LRRC1: variants seen among roughly 807,000 people sequenced by gnomAD.
The protein encoded by LRRC1 is leucine-rich repeat-containing protein 1.
A neutral mutation model predicts 69.9 loss-of-function variants in LRRC1; 28 were observed. That is an observed-to-expected ratio of 0.40 (90% confidence interval 0.30 to 0.55). LRRC1 has a LOEUF of 0.55. Ranked by LOEUF, LRRC1 falls within the 20% of genes least tolerant of loss-of-function variation. LRRC1 has a pLI of 0.47. For missense variants in LRRC1, 498 were observed against 609.0 expected, an observed-to-expected ratio of 0.82 and a Z score of 1.92; for synonymous variants, 236 against 240.2, an observed-to-expected ratio of 0.98 and a Z score of 0.16.
chr6:53,897,225 C>A, intron 6 of LRRC1, 60 bp from the exon 7 acceptor site: 1 of 1,155,948 alleles, frequency 8.7e-7, no homozygotes, highest in Non-Finnish European at 1.3e-6. Flanking sequence ...TTCTTTCTTT[C>A]TTCAGGGAAG....
At chr6:53,806,826 A>G (rs78659378) in intron 1 of LRRC1, among the ~76,000 whole-genome samples, 28,402 of 152,214 alleles carry the variant, frequency 0.19, 2,906 homozygotes, top group Middle Eastern at 0.33. Context: ...AAAAAAGATC[A>G]GCAGATTTTC....
At chr6:53,883,964 A>G (rs1193257407) in intron 4 of LRRC1, 2 of 718,082 alleles carry the variant, frequency 2.8e-6, no homozygotes, top group Non-Finnish European at 5.2e-6. Context: ...GAAGACAACT[A>G]GCTGACACCT....
chr6:53,860,594 A>C (rs1200791018), intron 2 of LRRC1, among the ~76,000 whole-genome samples: 4 of 152,048 alleles, frequency 2.6e-5, no homozygotes, highest in African/African-American at 9.7e-5. Context: ...ATTTTTTTTA[A>C]GATCAATTTT....
At chr6:53,816,895 C>T (rs1271383273) in intron 1 of LRRC1, among the ~76,000 whole-genome samples, 2 of 152,182 alleles carry the variant, frequency 1.3e-5, no homozygotes, top group Admixed American at 6.5e-5. Flanking sequence ...ATTAGCTTCA[C>T]TTAAGACAAA....
chr6:53,832,409 C>G (rs538228852), intron 1 of LRRC1, among the ~76,000 whole-genome samples: 1 of 152,094 alleles, frequency 6.6e-6, no homozygotes, highest in African/African-American at 2.4e-5. Context: ...CTTGTTGTTG[C>G]TATTAGTTTG....
At chr6:53,877,089 G>C (rs1306944924) in intron 2 of LRRC1, among the ~76,000 whole-genome samples, 1 of 152,224 alleles carries the variant, frequency 6.6e-6, no homozygotes, top group Non-Finnish European at 1.5e-5. Flanking sequence ...TCTAGCCAGA[G>C]GTTCCCAAAC....
chr6:53,870,646 T>C (rs1347919063), intron 2 of LRRC1, among the ~76,000 whole-genome samples: 1 of 152,228 alleles, frequency 6.6e-6, no homozygotes, highest in Admixed American at 6.5e-5. Flanking sequence ...GTGAGATTGT[T>C]CAAAATCTTC....
intron 1 of LRRC1, among the ~76,000 whole-genome samples, chr6:53,795,903 A>G (rs577948144): frequency 6.6e-6 from 1 of 152,182 alleles, no homozygotes; most frequent in Non-Finnish European, 1.5e-5. Flanking sequence ...AGCGGGCCGC[A>G]CTATCTCGGC....
intron 4 of LRRC1, among the ~76,000 whole-genome samples, chr6:53,889,197 A>C (rs1399037422): frequency 2.0e-5 from 3 of 152,182 alleles, no homozygotes; most frequent in Non-Finnish European, 2.9e-5. Context: ...TTAAAAAGAT[A>C]AATGCTAACA....
chr6:53,892,762 G>A (rs951217060), intron 4 of LRRC1, among the ~76,000 whole-genome samples: 2 of 152,208 alleles, frequency 1.3e-5, no homozygotes, highest in Non-Finnish European at 2.9e-5. Flanking sequence ...AGAGAACCAT[G>A]TTCTGGAGTG....
chr6:53,863,508 C>T (rs1264428780), intron 2 of LRRC1, among the ~76,000 whole-genome samples: 8 of 152,190 alleles, frequency 5.3e-5, no homozygotes, highest in Non-Finnish European at 1.2e-4. Context: ...TGTTCAAGCC[C>T]TCCCTTCAGC....
intron 10 of LRRC1, among the ~76,000 whole-genome samples, chr6:53,909,282 G>A (rs1312444383): frequency 2.6e-5 from 4 of 152,096 alleles, no homozygotes; most frequent in Non-Finnish European, 5.9e-5. Flanking sequence ...AAGACTGAGA[G>A]AGGTTAAGTC....
chr6:53,807,434 AC>A (rs1764665123), intron 1 of LRRC1, among the ~76,000 whole-genome samples: 1 of 152,234 alleles, frequency 6.6e-6, no homozygotes, highest in Non-Finnish European at 1.5e-5. Flanking sequence ...TCAGGTAGTT[AC>A]AAAAGCTATA....
intron 4 of LRRC1, among the ~76,000 whole-genome samples, chr6:53,890,669 A>T (rs74498229): frequency 0.019 from 2,918 of 152,228 alleles, 53 homozygotes; most frequent in East Asian, 0.1. Context: ...AAGATTTTTT[A>T]AAAAAAGTTT....
chr6:53,815,034 C>T (rs1456357040), intron 1 of LRRC1, among the ~76,000 whole-genome samples: 2 of 147,542 alleles, frequency 1.4e-5, no homozygotes, highest in Non-Finnish European at 3.0e-5. Context: ...GCACAACAGT[C>T]GTTTGGACTG....
intron 9 of LRRC1, among the ~76,000 whole-genome samples, chr6:53,903,192 G>A (rs191105866): frequency 2.0e-5 from 3 of 152,292 alleles, no homozygotes; most frequent in South Asian, 4.2e-4. Context: ...CAGGATGGGG[G>A]CTGGGAAACG....
intron 2 of LRRC1, among the ~76,000 whole-genome samples, chr6:53,844,515 AAAG>A (rs1765880712): frequency 6.6e-6 from 1 of 152,212 alleles, no homozygotes; most frequent in Non-Finnish European, 1.5e-5. Context: ...TTGTAGCTAG[AAAG>A]AAGGGCTCCA....
intron 2 of LRRC1, among the ~76,000 whole-genome samples, chr6:53,877,437 G>T (rs932747218): frequency 6.6e-6 from 1 of 152,138 alleles, no homozygotes; most frequent in Admixed American, 6.5e-5. Flanking sequence ...CAGCCAGCTT[G>T]AATTTCTCCT....
intron 7 of LRRC1, among the ~76,000 whole-genome samples, chr6:53,898,811 A>C (rs1480248716): frequency 6.6e-6 from 1 of 152,254 alleles, no homozygotes; most frequent in Non-Finnish European, 1.5e-5. Flanking sequence ...CAGGTGGATG[A>C]TAAGCTGGAA....
Sources: gnomAD v4.1 joint callset for allele counts (sites outside exome capture counted in the v4.1 genomes callset) on GRCh38, gnomAD v4.1.1 for gene constraint, MANE v1.5 for transcripts, NCBI Gene and HGNC (gene_info 2026-07-23, HGNC 2026-07-21) for gene names.